Variants in POLR3B observed in about 807,000 individuals in gnomAD.
The protein encoded by POLR3B is RNA polymerase III subunit B, also known as DNA-directed RNA polymerase III subunit RPC2.
POLR3B carries 96 observed loss-of-function variants against 147.4 expected under a neutral mutation model. The observed-to-expected ratio is 0.65, with a 90% CI of 0.55 to 0.77. The LOEUF is 0.77. POLR3B is among the 30% of genes least tolerant of loss of function. The pLI, the probability that POLR3B is intolerant of heterozygous loss-of-function variation, is 0.00. For synonymous variants in POLR3B, 461 were observed against 485.9 expected, an observed-to-expected ratio of 0.95 and a Z score of 0.67; for missense variants, 1,036 against 1,413.5, an observed-to-expected ratio of 0.73 and a Z score of 4.28.
intron 26 of POLR3B, 108 bp downstream of exon 26, chr12:106,501,544 T>C (rs985474283): frequency 1.4e-6 from 1 of 702,956 alleles, no homozygotes; most frequent in Non-Finnish European, 2.5e-6. Context: ...TTTCCTGAGA[T>C]GTCAAAATTT....
chr12:106,507,718 T>C (rs1033662835), intron 27 of POLR3B: 6 of 455,158 alleles, frequency 1.3e-5, no homozygotes, highest in African/African-American at 1.0e-4. Context: ...TTGTGAGGGT[T>C]AGTCTTCTCC....
At chr12:106,482,878 G>A (rs1381624715) in intron 23 of POLR3B, among the ~76,000 whole-genome samples, 5 of 152,074 alleles carry the variant, frequency 3.3e-5, no homozygotes, top group South Asian at 2.1e-4. Flanking sequence ...GACATAACAA[G>A]CCAAACTCAC....
intron 9 of POLR3B, among the ~76,000 whole-genome samples, chr12:106,388,437 C>T (rs1017750138): frequency 1.3e-5 from 2 of 152,210 alleles, no homozygotes; most frequent in Middle Eastern, 3.4e-3. Context: ...TCTGCCTCAG[C>T]CTCCCAAGTA....
At chr12:106,420,273 A>T (rs2037357539) in intron 12 of POLR3B, among the ~76,000 whole-genome samples, 1 of 152,080 alleles carries the variant, frequency 6.6e-6, no homozygotes. Flanking sequence ...TCAGCCAGAG[A>T]TTTGGGCAAA....
intron 15 of POLR3B, among the ~76,000 whole-genome samples, chr12:106,433,293 C>T (rs1188823707): frequency 6.6e-6 from 1 of 152,200 alleles, no homozygotes; most frequent in Non-Finnish European, 1.5e-5. Context: ...TCATTTTCCT[C>T]ATTTCACAAA....
intron 6 of POLR3B, among the ~76,000 whole-genome samples, chr12:106,374,280 A>C (rs866903439): frequency 6.6e-6 from 1 of 152,008 alleles, no homozygotes. Context: ...GCAATGGTAC[A>C]CTCATGGCTC....
chr12:106,398,111 G>C (rs145067794), intron 10 of POLR3B, among the ~76,000 whole-genome samples: 2,296 of 152,324 alleles, frequency 0.015, 33 homozygotes, highest in Non-Finnish European at 0.024. Context: ...GACGGCACCT[G>C]GAAAATCGGG....
chr12:106,499,971 C>T (rs1265919961), intron 25 of POLR3B: 3 of 374,932 alleles, frequency 8.0e-6, no homozygotes, highest in Admixed American at 3.3e-5. Flanking sequence ...TCTACTTTTA[C>T]ATCATGCTGT....
intron 14 of POLR3B, 28 bp downstream of exon 14, chr12:106,430,501 G>C: frequency 6.3e-7 from 1 of 1,575,716 alleles, no homozygotes; most frequent in Non-Finnish European, 8.7e-7. Context: ...TCTTGATGCT[G>C]TGTAAGAGGC....
chr12:106,395,215 A>G (rs1195095864), intron 10 of POLR3B, among the ~76,000 whole-genome samples: 1 of 152,152 alleles, frequency 6.6e-6, no homozygotes, highest in Non-Finnish European at 1.5e-5. Flanking sequence ...TGACAGAGTA[A>G]GACCTTTCCT....
chr12:106,501,565 G>A (rs1357691345), intron 26 of POLR3B, 129 bp downstream of exon 26: 11 of 628,704 alleles, frequency 1.7e-5, no homozygotes, highest in South Asian at 1.5e-4. Context: ...GGCAAGTTTG[G>A]CATTAAGAAA....
intron 23 of POLR3B, among the ~76,000 whole-genome samples, chr12:106,479,386 CT>C (rs542071396): frequency 9.3e-4 from 134 of 144,462 alleles, no homozygotes; most frequent in Non-Finnish European, 1.0e-3. Context: ...TTCTCTCTCT[CT>C]TTTTTTTTTT....
chr12:106,385,523 T>C (rs561196346), intron 9 of POLR3B, among the ~76,000 whole-genome samples: 2 of 152,320 alleles, frequency 1.3e-5, no homozygotes, highest in South Asian at 2.1e-4. Context: ...ACTAAGTTCG[T>C]TGAAACGGAA....
chr12:106,506,021 A>C (rs77262256), intron 27 of POLR3B, among the ~76,000 whole-genome samples: 1,865 of 152,304 alleles, frequency 0.012, 33 homozygotes, highest in African/African-American at 0.041. Context: ...CTAACAGAAG[A>C]GGTGGCCATT....
chr12:106,494,908 G>A (rs2038456268), intron 23 of POLR3B, among the ~76,000 whole-genome samples: 1 of 152,086 alleles, frequency 6.6e-6, no homozygotes, highest in Non-Finnish European at 1.5e-5. Context: ...CTAGGAAAAT[G>A]GCATTCTTTT....
chr12:106,470,325 A>G (rs2038072692), intron 23 of POLR3B, among the ~76,000 whole-genome samples: 1 of 151,936 alleles, frequency 6.6e-6, no homozygotes, highest in African/African-American at 2.4e-5. Context: ...TCTTCTCTAC[A>G]CTGATTGTTC....
At chr12:106,400,018 A>G (rs186400273) in intron 10 of POLR3B, among the ~76,000 whole-genome samples, 43 of 152,344 alleles carry the variant, frequency 2.8e-4, no homozygotes, top group African/African-American at 9.4e-4. Context: ...TAAATGCTCC[A>G]ATTAAAAGAC....
chr12:106,450,570 G>C (rs1239110056), intron 19 of POLR3B, among the ~76,000 whole-genome samples: 2 of 152,122 alleles, frequency 1.3e-5, no homozygotes, highest in Non-Finnish European at 2.9e-5. Context: ...CAAAGTTTTG[G>C]CATGACCAAA....
At chr12:106,439,016 G>A (rs2037615745) in intron 18 of POLR3B, among the ~76,000 whole-genome samples, 1 of 152,132 alleles carries the variant, frequency 6.6e-6, no homozygotes, top group South Asian at 2.1e-4. Context: ...TGGAATTCTT[G>A]CAGATATATT....
Sources: gnomAD v4.1 joint callset for allele counts (sites outside exome capture counted in the v4.1 genomes callset) on GRCh38, gnomAD v4.1.1 for gene constraint, MANE v1.5 for transcripts, NCBI Gene and HGNC (gene_info 2026-07-23, HGNC 2026-07-21) for gene names.